DBNDD1: variants seen among roughly 807,000 people sequenced by gnomAD.
DBNDD1 encodes dysbindin domain-containing protein 1.
A neutral mutation model predicts 17.0 loss-of-function variants in DBNDD1; 14 were observed. The observed-to-expected ratio is 0.82, with a 90% CI of 0.54 to 1.29. The LOEUF (loss-of-function observed/expected upper bound fraction) is 1.29. DBNDD1 is among the 50% of genes most tolerant of loss of function. The probability of loss-of-function intolerance (pLI) is 0.00; values close to 1 mark genes in which losing one functional copy is unlikely to be tolerated. For synonymous variants in DBNDD1, 105 were observed against 102.0 expected (o/e 1.03, Z -0.18); for missense variants, 221 against 216.2 (o/e 1.02, Z -0.14).
In DBNDD1 at chr16:90,008,919, G is replaced by T; in HGVS notation, c.184C>A (p.Leu62Met). ...ACCTCCAGAGAGGAGACGCTGCTCA[G>T]AGGCTCTGAGGGCAGAGGGGGTACA... Reference protein sequence around the residue: ...LLQVTERRQPLSSVSSLEVHF... With the variant: ...LLQVTERRQPMSSVSSLEVHF... Residue 62 changes from leucine (L) to methionine (M), a missense_variant, in exon 3 of 4, where the codon CTG (leucine) becomes ATG (methionine). By Grantham distance (15) the Leu-to-Met change is conservative. Transcript: ENST00000002501. 1 of 1,559,690 alleles carries T rather than the reference G, an allele frequency of 6.4e-7. No homozygotes were observed.
At chr16:90,011,191 G>C (rs2035548837) in intron 1 of DBNDD1, among the ~76,000 whole-genome samples, 1 of 152,260 alleles carries the variant, frequency 6.6e-6, no homozygotes, top group South Asian at 2.1e-4. Context: ...AAGCCGAGGG[G>C]AGCAGCTGCT....
In DBNDD1 at chr16:90,005,611, C is replaced by T. The variant is rs1597574758; in HGVS notation, c.*724G>A. 6.6e-6 allele frequency: 1 copy of T among 152,346 alleles called. No homozygotes were observed. The highest frequency in any genetic ancestry group is 6.5e-5 in the Admixed American group (1 of 15,272). The allele number at this position is 152,346 out of a possible 1,614,324, so 9.4% of individuals were successfully genotyped here. On this transcript the variant is annotated 3_prime_UTR_variant, in exon 4 of 4. Coordinates refer to ENST00000002501, the MANE Select transcript of DBNDD1 (RefSeq NM_001042610.3). ...AGCATTCCGGGAGGTGTCATCAAGT[C>T]TCTTAGGCAGTCTGGTGATATTTGG...
chr16:90,009,575 T>G (rs1227310344), intron 1 of DBNDD1, 145 bp from the exon 2 acceptor site: 1 of 1,281,974 alleles, frequency 7.8e-7, no homozygotes, highest in Non-Finnish European at 1.1e-6. Context: ...GCTGGGCTTG[T>G]GGCCTCATGC....
chr16:90,018,849 G>A (rs1478220336), intron 1 of DBNDD1, among the ~76,000 whole-genome samples: 1 of 152,314 alleles, frequency 6.6e-6, no homozygotes, highest in East Asian at 1.9e-4. Context: ...CCCCTGGCAG[G>A]ATCCCTGCCC....
chr16:90,009,248 C>A, intron 2 of DBNDD1, 36 bp downstream of exon 2: 1 of 1,609,176 alleles, frequency 6.2e-7, no homozygotes, highest in South Asian at 1.1e-5. Flanking sequence ...CTCACGGGGT[C>A]CCCATAGCGT....
At chr16:90,008,481 C>T (rs531793134) in intron 3 of DBNDD1, among the ~76,000 whole-genome samples, 3 of 37,780 alleles carry the variant, frequency 7.9e-5, no homozygotes, top group African/African-American at 4.5e-4. Context: ...CCCAGGACTT[C>T]CCAAGGGGCC....
At position 90,009,081 on chromosome 16, in the gene DBNDD1, G is replaced by T. The variant is rs928636560; in HGVS notation, c.179-157C>A. ...ACACCGGCAGGATCTGATGAGTGTT[G>T]CGTATACTCATGACTAGAAGGCTTT... On this transcript the variant is annotated intron_variant, in intron 2 of 3. Transcript: ENST00000002501. 4.2e-6 allele frequency: 5 copies of T among 1,195,766 alleles called. No individual in the cohort carries two copies. In the African/African-American group the frequency reaches 7.7e-5, roughly 18 times the overall value. 74.1% of individuals were successfully genotyped at this position (1,195,766 alleles called of 1,614,324 possible).
intron 3 of DBNDD1, chr16:90,007,612 GGAAGTTAA>G (rs1378831617): frequency 6.6e-6 from 1 of 152,300 alleles, no homozygotes; most frequent in Non-Finnish European, 1.5e-5. Flanking sequence ...GGGAATCAGA[GGAAGTTAA>G]GTGAGCTGAG....
At chr16:90,017,044 G>T (rs1003185475) in intron 1 of DBNDD1, among the ~76,000 whole-genome samples, 3 of 152,230 alleles carry the variant, frequency 2.0e-5, no homozygotes, top group African/African-American at 7.2e-5. Flanking sequence ...GGCAGACTGA[G>T]TTGGGGTGGG....
rs564995545 is a variant in DBNDD1 at position 90,005,045 on chromosome 16, A to T, written c.*1290T>A. The stretch of plus-strand genomic sequence containing the variant: ...AGCTGCTGGGCTCTGTGTGACTGGA[A>T]ACCAGGGAAGGAGACCTGGCTGAGG... On this transcript the variant is annotated 3_prime_UTR_variant, in exon 4 of 4. Transcript: ENST00000002501. 6.5e-6 allele frequency: 1 copy of T among 152,692 alleles called. No homozygotes were observed. The highest frequency in any genetic ancestry group is 2.4e-5 in the African/African-American group (1 of 41,472). 9.5% of individuals were successfully genotyped at this position (152,692 alleles called of 1,614,324 possible).
intron 3 of DBNDD1, chr16:90,006,739 G>T: frequency 1.8e-6 from 1 of 548,478 alleles, no homozygotes; most frequent in Non-Finnish European, 3.3e-6. Context: ...CGGAGTCACT[G>T]TATAGTCTAG....
At position 90,007,485 on chromosome 16, in the gene DBNDD1, G is replaced by C. The variant is rs374567703; in HGVS notation, c.320-993C>G. On this transcript the variant is annotated intron_variant, in intron 3 of 3. Coordinates refer to ENST00000002501, the MANE Select transcript of DBNDD1 (RefSeq NM_001042610.3). The stretch of plus-strand genomic sequence containing the variant: ...TGAGGACGCGCTGTCGCATCCTCAT[G>C]AGTCCTGTGCTCTCGTCACGGCTTA... The C allele has an allele frequency of 8.5e-5, 13 of 152,306 alleles. 1 individual carries two copies. The highest frequency in any genetic ancestry group is 7.2e-4 in the Admixed American group (11 of 15,284). 9.4% of individuals were successfully genotyped at this position (152,306 alleles called of 1,614,324 possible).
intron 1 of DBNDD1, among the ~76,000 whole-genome samples, chr16:90,016,099 A>C (rs1030176481): frequency 1.3e-5 from 2 of 152,198 alleles, no homozygotes; most frequent in African/African-American, 2.4e-5. Flanking sequence ...ACTCACATAC[A>C]CTGTGAGTCG....
At chr16:90,017,696 G>A (rs2035664382) in intron 1 of DBNDD1, among the ~76,000 whole-genome samples, 1 of 152,194 alleles carries the variant, frequency 6.6e-6, no homozygotes, top group African/African-American at 2.4e-5. Flanking sequence ...AAAAGTAAGT[G>A]ATAAGTAATG....
chr16:90,011,246 G>A (rs562886328), intron 1 of DBNDD1, among the ~76,000 whole-genome samples: 90 of 152,344 alleles, frequency 5.9e-4, no homozygotes, highest in South Asian at 3.5e-3. Flanking sequence ...GGTTCACAGC[G>A]CCAGCAGCTG....
intron 1 of DBNDD1, chr16:90,010,004 C>T: frequency 6.2e-7 from 1 of 1,614,200 alleles, no homozygotes; most frequent in Non-Finnish European, 8.5e-7. Context: ...TAGCCACCAA[C>T]CATGCCTCAC....
chr16:90,010,167 C>G (rs2035525777), intron 1 of DBNDD1: 1 of 873,822 alleles, frequency 1.1e-6, no homozygotes, highest in Non-Finnish European at 1.8e-6. Flanking sequence ...TGCCTCATCC[C>G]CCTGAGTAGA....
At chr16:90,010,162 C>T (rs2035525620) in intron 1 of DBNDD1, 2 of 937,640 alleles carry the variant, frequency 2.1e-6, no homozygotes, top group East Asian at 5.3e-5. Context: ...TCTCCTGCCT[C>T]ATCCCCCTGA....
rs1597576604 is a variant in DBNDD1 at position 90,007,256 on chromosome 16, C to G, written c.320-764G>C. The G allele has an allele frequency of 1.3e-5, 2 of 152,642 alleles. 1 individual carries two copies. Among genetic ancestry groups the G allele is most frequent in the Middle Eastern group, 6.8e-3 (2 of 296 alleles). 9.5% of individuals were successfully genotyped at this position (152,642 alleles called of 1,614,324 possible). A position where few individuals can be genotyped will look rare whatever the true frequency, so the allele number is the denominator to read the frequency against. On this transcript the variant is annotated intron_variant, in intron 3 of 3. Coordinates refer to ENST00000002501, the MANE Select transcript of DBNDD1 (RefSeq NM_001042610.3). ...AGGCCGACACCCCTTCCTGACAACT[C>G]CAGGAACCATGGGAGCAGCTGGCCA...
Sources: allele counts gnomAD v4.1 joint callset (sites outside exome capture counted in the v4.1 genomes callset), GRCh38; gene constraint gnomAD v4.1.1; transcripts MANE v1.5; gene names NCBI Gene and HGNC (gene_info 2026-07-23, HGNC 2026-07-21).